GABRB3: variants seen among roughly 807,000 people sequenced by gnomAD.
GABRB3 encodes the protein gamma-aminobutyric acid receptor subunit beta-3.
Under a neutral mutation model 52.1 loss-of-function variants are expected in GABRB3, and 14 were observed. The ratio of observed to expected loss-of-function variants is 0.27; its 90% CI spans 0.18 to 0.42. The LOEUF (loss-of-function observed/expected upper bound fraction) is 0.42, where lower values mean the gene tolerates loss of function less well. Among genes scored for constraint, GABRB3 ranks in the 10% least tolerant of loss-of-function variants. GABRB3 has a pLI of 1.00. For missense variants in GABRB3, 307 were observed against 609.1 expected (o/e 0.50, Z 5.22); for synonymous variants, 260 against 232.3 (o/e 1.12, Z -1.08).
At chr15:26,769,899 A>G (rs1236620398) in intron 3 of GABRB3, among the ~76,000 whole-genome samples, 1 of 152,170 alleles carries the variant, frequency 6.6e-6, no homozygotes, top group African/African-American at 2.4e-5. Context: ...ACCATTTATT[A>G]TTGAATTTCA....
intron 8 of GABRB3, chr15:26,550,096 T>C (rs1305022473): frequency 6.6e-6 from 1 of 152,104 alleles, no homozygotes; most frequent in Non-Finnish European, 1.5e-5. Context: ...TGACCCTGGA[T>C]TGTCCAGGTG....
At chr15:26,659,758 C>T (rs1887481411) in intron 3 of GABRB3, among the ~76,000 whole-genome samples, 1 of 152,154 alleles carries the variant, frequency 6.6e-6, no homozygotes, top group Non-Finnish European at 1.5e-5. Context: ...CCAGCATGTT[C>T]CTGGAGAGCA....
intron 3 of GABRB3, among the ~76,000 whole-genome samples, chr15:26,696,051 C>G (rs923246843): frequency 2.6e-5 from 4 of 152,168 alleles, no homozygotes; most frequent in African/African-American, 9.7e-5. Flanking sequence ...CAAAAAGCAA[C>G]AGTGTTTGGA....
At chr15:26,715,088 C>T (rs1009591070) in intron 3 of GABRB3, among the ~76,000 whole-genome samples, 2 of 152,072 alleles carry the variant, frequency 1.3e-5, no homozygotes, top group Admixed American at 6.6e-5. Context: ...CAAGAGGGGG[C>T]CATGGGCAGC....
At chr15:26,585,726 T>A (rs1890957792) in intron 4 of GABRB3, among the ~76,000 whole-genome samples, 1 of 152,214 alleles carries the variant, frequency 6.6e-6, no homozygotes, top group Non-Finnish European at 1.5e-5. Context: ...CCCTTATCCA[T>A]GGAGTCAAGG....
chr15:26,742,215 T>C (rs774664144), intron 3 of GABRB3, among the ~76,000 whole-genome samples: 8 of 152,158 alleles, frequency 5.3e-5, no homozygotes, highest in African/African-American at 9.7e-5. Flanking sequence ...CTCTTAGAGT[T>C]TGCCTCTTGG....
chr15:26,549,265 G>A (rs1258640619), intron 8 of GABRB3, among the ~76,000 whole-genome samples: 1 of 152,210 alleles, frequency 6.6e-6, no homozygotes, highest in Non-Finnish European at 1.5e-5. Flanking sequence ...CAGGAGGTGA[G>A]GTGGTGAGAG....
chr15:26,773,240 T>G (rs868043781), upstream of GABRB3, among the ~76,000 whole-genome samples: 302 of 149,772 alleles, frequency 2.0e-3, 1 homozygote, highest in African/African-American at 6.4e-3. Context: ...CACGCTCGCC[T>G]CGGCCCGAGG....
intron 4 of GABRB3, among the ~76,000 whole-genome samples, chr15:26,592,943 A>T (rs949293133): frequency 6.6e-6 from 1 of 151,096 alleles, no homozygotes; most frequent in Non-Finnish European, 1.5e-5. Context: ...TGAACCTGGG[A>T]GGTGGAGGTT....
chr15:26,760,407 T>C (rs1890782532), intron 3 of GABRB3, among the ~76,000 whole-genome samples: 1 of 152,122 alleles, frequency 6.6e-6, no homozygotes, highest in African/African-American at 2.4e-5. Context: ...TTCCTTGGGA[T>C]CTAAACGCTC....
intron 3 of GABRB3, among the ~76,000 whole-genome samples, chr15:26,699,356 A>G (rs1888851312): frequency 1.3e-5 from 2 of 152,186 alleles, no homozygotes; most frequent in Non-Finnish European, 2.9e-5. Flanking sequence ...AAGCGCAAGA[A>G]TATTTCTAGG....
At chr15:26,583,516 C>A in intron 4 of GABRB3, 102 bp from the exon 5 acceptor site, 1 of 846,210 alleles carries the variant, frequency 1.2e-6, no homozygotes, top group Non-Finnish European at 2.0e-6. Flanking sequence ...GAACCCTGCC[C>A]AAAGTACGCC....
chr15:26,576,823 C>T (rs927921758), intron 6 of GABRB3, among the ~76,000 whole-genome samples: 3 of 152,058 alleles, frequency 2.0e-5, no homozygotes, highest in East Asian at 1.9e-4. Context: ...TATACTTACA[C>T]GGAAAGTTTT....
At chr15:26,606,318 A>C (rs1358573077) in intron 4 of GABRB3, among the ~76,000 whole-genome samples, 2 of 152,176 alleles carry the variant, frequency 1.3e-5, no homozygotes, top group African/African-American at 4.8e-5. Flanking sequence ...TTGTAACACA[A>C]AGAGTAAATG....
intron 3 of GABRB3, among the ~76,000 whole-genome samples, chr15:26,713,821 T>C (rs1432137464): frequency 1.3e-5 from 2 of 152,180 alleles, no homozygotes; most frequent in Non-Finnish European, 2.9e-5. Context: ...TTACTGCAGG[T>C]GTGCTGTACC....
intron 3 of GABRB3, among the ~76,000 whole-genome samples, chr15:26,643,647 T>TGTGG (rs56094009): frequency 6.7e-6 from 1 of 148,536 alleles, no homozygotes; most frequent in African/African-American, 2.5e-5. Context: ...TGTGTGTGTG[T>TGTGG]GGGTTCACCC....
intron 3 of GABRB3, among the ~76,000 whole-genome samples, chr15:26,760,826 C>CACACACACACACA (rs1442894453): frequency 6.6e-6 from 1 of 151,636 alleles, no homozygotes; most frequent in Non-Finnish European, 1.5e-5. Flanking sequence ...CACACACACA[C>CACACACACACACA]AAGCAAACAA....
intron 3 of GABRB3, among the ~76,000 whole-genome samples, chr15:26,657,612 T>C (rs1343129085): frequency 6.6e-6 from 1 of 152,226 alleles, no homozygotes; most frequent in Non-Finnish European, 1.5e-5. Context: ...TATGTGGCCT[T>C]GTTGAATTCT....
intron 3 of GABRB3, among the ~76,000 whole-genome samples, chr15:26,747,802 TTAAC>T (rs1890387246): frequency 6.6e-6 from 1 of 152,188 alleles, no homozygotes; most frequent in Non-Finnish European, 1.5e-5. Flanking sequence ...TCATTCACCT[TTAAC>T]TATAATGACA....
Sources: gnomAD v4.1 joint callset for allele counts (sites outside exome capture counted in the v4.1 genomes callset) on GRCh38, gnomAD v4.1.1 for gene constraint, MANE v1.5 for transcripts, NCBI Gene and HGNC (gene_info 2026-07-23, HGNC 2026-07-21) for gene names.